The following IVNS1ABP variants were observed in gnomAD, a reference collection of about 807,000 sequenced individuals.
IVNS1ABP encodes the protein influenza virus NS1A-binding protein.
IVNS1ABP carries 25 observed loss-of-function variants against 78.9 expected under a neutral mutation model. The observed-to-expected ratio is 0.32, with a 90% CI of 0.23 to 0.44. The LOEUF is 0.44. Ranked by LOEUF, IVNS1ABP falls within the 20% of genes least tolerant of loss-of-function variation. The pLI, the probability that IVNS1ABP is intolerant of heterozygous loss-of-function variation, is 1.00. For synonymous variants in IVNS1ABP, 241 were observed against 259.7 expected (o/e 0.93, Z 0.69); for missense variants, 494 against 768.9 (o/e 0.64, Z 4.23).
At chr1:185,312,944 AAGGAGTCCCC>A (rs1258940003) in intron 1 of IVNS1ABP, among the ~76,000 whole-genome samples, 2 of 152,180 alleles carry the variant, frequency 1.3e-5, no homozygotes, top group African/African-American at 4.8e-5. Flanking sequence ...AAATAAGAGG[AAGGAGTCCCC>A]ATGCAAATTG....
Position 185,317,238 on chromosome 1 carries a change from G to A in IVNS1ABP, c.-532C>T. 2.5e-6 allele frequency: 1 copy of A among 398,482 alleles called. No homozygotes were observed. Among genetic ancestry groups the A allele is most frequent in the Non-Finnish European group, 4.4e-6 (1 of 226,028 alleles). The allele number at this position is 398,482 out of a possible 1,614,324, so 24.7% of individuals were successfully genotyped here. On this transcript the variant is annotated 5_prime_UTR_variant, in exon 1 of 15. Coordinates refer to ENST00000367498, the MANE Select transcript of IVNS1ABP (RefSeq NM_006469.5). Reference sequence around the variant, plus strand: ...GACCGACCTCCACGCGCGACCGGGAGACACTGCCTCCGCCGCCGCCGACCG... The same window carrying A: ...GACCGACCTCCACGCGCGACCGGGAAACACTGCCTCCGCCGCCGCCGACCG...
chr1:185,316,233 G>A (rs555313931), intron 1 of IVNS1ABP, among the ~76,000 whole-genome samples: 4 of 152,184 alleles, frequency 2.6e-5, no homozygotes, highest in South Asian at 2.1e-4. Context: ...CGCAGGCTGC[G>A]AGGCGAGGCC....
chr1:185,305,590 T>C lies in IVNS1ABP; in HGVS notation c.711A>G (p.Leu237=). The C allele has an allele frequency of 6.2e-7, 1 of 1,613,366 alleles. No individual in the cohort carries two copies. Among genetic ancestry groups the C allele is most frequent in the Non-Finnish European group, 8.5e-7 (1 of 1,179,562 alleles). The part of the protein sequence containing the change: ...ADHKLLDGNL[L]DGQAEVFGSD... ...TGCCAAACACCTCAGCCTGTCCATC[T>C]AGTAGGTTCCCATCAAGCAGCTTGT... Residue 237 remains leucine (L), a synonymous_variant, in exon 8 of 15, where the codon CTA becomes CTG. Coordinates refer to ENST00000367498, the MANE Select transcript of IVNS1ABP (RefSeq NM_006469.5). The surrounding 1 kb of genome is among the most constrained non-coding windows in gnomAD (Gnocchi z 4.0).
Position 185,305,823 on chromosome 1 carries a change from A to C in IVNS1ABP, c.658-180T>G. The C allele has an allele frequency of 1.5e-6, 1 of 673,178 alleles. No homozygotes were observed. Among genetic ancestry groups the C allele is most frequent in the South Asian group, 2.7e-5 (1 of 37,592 alleles). 41.7% of individuals were successfully genotyped at this position (673,178 alleles called of 1,614,324 possible). On this transcript the variant is annotated intron_variant, in intron 7 of 14. Coordinates refer to ENST00000367498, the MANE Select transcript of IVNS1ABP (RefSeq NM_006469.5). This position sits in a 1 kb window ranked among gnomAD's most constrained non-coding sequence, Gnocchi z 4.0. ...ATGTCATGGTGGTAAAAATTAAAAA[A>C]CAAAAACAAAAAACCAAAATCAAAT... is the stretch of plus-strand genomic sequence containing the variant.
rs1187412708 is a variant in IVNS1ABP, at chr1:185,298,023, G to T, written c.*12C>A. 2 of 1,611,728 alleles carry T rather than the reference G, an allele frequency of 1.2e-6. No homozygotes were observed. The highest frequency in any genetic ancestry group is 1.7e-5 in the Admixed American group (1 of 59,782). ...TCACTAAGCCTGTTAGTTTGAGAGG[G>T]TCTTAAATTTGTTAAAACTGGAAAA... On this transcript the variant is annotated 3_prime_UTR_variant, in exon 15 of 15. Transcript: ENST00000367498. This position sits in a 1 kb window ranked among gnomAD's most constrained non-coding sequence, Gnocchi z 4.1.
rs1210450685 is a variant in IVNS1ABP at position 185,298,939 on chromosome 1, A to G, written c.1676-651T>C. 6.6e-6 allele frequency: 1 copy of G among 152,244 alleles called. No homozygotes were observed. Among genetic ancestry groups the G allele is most frequent in the Non-Finnish European group, 1.5e-5 (1 of 68,070 alleles). The allele number at this position is 152,244 out of a possible 1,614,324, so 9.4% of individuals were successfully genotyped here. A position where few individuals can be genotyped will look rare whatever the true frequency, so the allele number is the denominator to read the frequency against. On this transcript the variant is annotated intron_variant, in intron 14 of 14. Transcript: ENST00000367498. The surrounding 1 kb of genome is among the most constrained non-coding windows in gnomAD (Gnocchi z 4.1). ...ATTGTGGTACAGAAATTTCTTCTGGAAACAGAGTTATGATTATTTTCAAAT... is the reference window on the plus strand; with the variant it reads ...ATTGTGGTACAGAAATTTCTTCTGGGAACAGAGTTATGATTATTTTCAAAT...
intron 10 of IVNS1ABP, 34 bp downstream of exon 10, chr1:185,300,938 A>G (rs1665578577): frequency 5.8e-6 from 9 of 1,557,282 alleles, no homozygotes; most frequent in Non-Finnish European, 7.9e-6. Flanking sequence ...ATGCCCATCT[A>G]CATGCTTAGC....
At chr1:185,307,956 T>C (rs1000871876) in intron 5 of IVNS1ABP, 2 of 1,546,340 alleles carry the variant, frequency 1.3e-6, no homozygotes, top group African/African-American at 2.7e-5. Flanking sequence ...ACGCAGTATC[T>C]GAACTGGGCT....
rs1400487496 is a variant in IVNS1ABP, at chr1:185,300,099, G to C, written c.1401C>G (p.Ile467Met). ...GACCATATGGATCAGAGCCACCAAC[G>C]ATGTATAACTTTCCATTCAGAGCAC... ...GVCALNGKLY[I>M]VGGSDPYGQK... Residue 467 changes from isoleucine to methionine, a missense_variant, in exon 13 of 15, where the codon ATC (isoleucine) becomes ATG (methionine). Ile to Met is a conservative substitution (Grantham distance 10). Transcript: ENST00000367498. 6.2e-6 allele frequency: 10 copies of C among 1,613,118 alleles called. No individual in the cohort carries two copies. Among genetic ancestry groups the C allele is most frequent in the African/African-American group, 1.3e-5 (1 of 74,842 alleles).
At chr1:185,307,258 T>C (rs1665763591) in intron 6 of IVNS1ABP, 119 bp from the exon 7 acceptor site, 4 of 1,275,124 alleles carry the variant, frequency 3.1e-6, no homozygotes, top group African/African-American at 1.5e-5. Context: ...TTTACTCTAA[T>C]TTGTAAGGAA....
At chr1:185,312,364 T>A (rs947185528) in intron 1 of IVNS1ABP, among the ~76,000 whole-genome samples, 2 of 152,222 alleles carry the variant, frequency 1.3e-5, no homozygotes, top group Admixed American at 6.5e-5. Context: ...AACTAAGGAA[T>A]AACTTACCTG....
At position 185,299,813 on chromosome 1, in the gene IVNS1ABP, A is replaced by G. The variant is rs764626706; in HGVS notation, c.1572T>C (p.Asn524=). ...TGTATCGTTCTACTGTGTTCAGACA[A>G]TTCCAAGATTCTGCACCTCCGATTA... ...LYIIGGAESW[N]CLNTVERYNP... The change falls in exon 14 of 15, where the codon AAT becomes AAC. Residue 524 remains asparagine, a synonymous_variant. Transcript: ENST00000367498. 9.3e-6 allele frequency: 15 copies of G among 1,613,546 alleles called. No individual in the cohort carries two copies. Among genetic ancestry groups the G allele is most frequent in the South Asian group, 3.3e-5 (3 of 91,086 alleles).
At position 185,309,391 on chromosome 1, in the gene IVNS1ABP, G is replaced by A. The variant is rs1303739085; in HGVS notation, c.103C>T (p.Arg35Ter). The A allele has an allele frequency of 1.9e-6, 3 of 1,581,936 alleles. No homozygotes were observed. Among genetic ancestry groups the A allele is most frequent in the Non-Finnish European group, 8.6e-7 (1 of 1,164,526 alleles). ...AATTAAGTTTTAAATACCTGAAGTC[G>A]AACATCACAGAACTGGCCACTTTTC... ...LRKSGQFCDVRLQVCGHEMLA... is the reference protein window; with the variant it reads ...LRKSGQFCDV Residue 35 changes from arginine (R) to a stop codon, truncating the protein, a stop_gained, in exon 3 of 15, where the codon CGA (arginine) becomes TGA (stop). Transcript: ENST00000367498. LOFTEE classifies it high-confidence loss of function.
chr1:185,314,821 A>G (rs1275974231), intron 1 of IVNS1ABP, among the ~76,000 whole-genome samples: 4 of 152,244 alleles, frequency 2.6e-5, no homozygotes, highest in Non-Finnish European at 5.9e-5. Flanking sequence ...ATTACCAAAA[A>G]GCATAACACA....
intron 7 of IVNS1ABP, chr1:185,306,338 TTTTC>T: frequency 3.4e-6 from 2 of 586,526 alleles, no homozygotes; most frequent in Admixed American, 3.7e-5. Flanking sequence ...CACCTGCGTG[TTTTC>T]AATTCCCACC....
chr1:185,316,392 C>T (rs1666030101), intron 1 of IVNS1ABP, among the ~76,000 whole-genome samples: 1 of 152,234 alleles, frequency 6.6e-6, no homozygotes, highest in African/African-American at 2.4e-5. Flanking sequence ...GAACAAAGGA[C>T]CCCGCGGCCC....
intron 10 of IVNS1ABP, 118 bp from the exon 11 acceptor site, chr1:185,300,676 G>A (rs906366397): frequency 9.2e-7 from 1 of 1,082,786 alleles, no homozygotes; most frequent in East Asian, 2.5e-5. Flanking sequence ...ACTTTTTAAG[G>A]ATGCCTTAGT....
chr1:185,305,203 T>TA lies in IVNS1ABP; in HGVS notation c.765+332dup, dbSNP rs60183856. Among the ~76,000 whole-genome samples the TA allele has an allele frequency of 6.6e-6, 1 of 151,968 alleles. No individual in the cohort carries two copies. Among genetic ancestry groups the TA allele is most frequent in the Non-Finnish European group, 1.5e-5 (1 of 67,980 alleles). On this transcript the variant is annotated intron_variant, in intron 8 of 14. Transcript: ENST00000367498. The surrounding 1 kb of genome is among the most constrained non-coding windows in gnomAD (Gnocchi z 4.0). Reference sequence around the variant, plus strand: ...CAATTTAAGTCCCCCTGCCCCTTTTTAAAAAAAACTATCAGTCATGCCTGA... The same window carrying TA: ...CAATTTAAGTCCCCCTGCCCCTTTTTAAAAAAAAACTATCAGTCATGCCTGA...
Position 185,305,727 on chromosome 1 carries a change from G to T in IVNS1ABP, c.658-84C>A. ...ATGCAGATTACACAAACGCCTCAAG[G>T]TAACCTCCAGTGTGCTTCTTGAGCT... On this transcript the variant is annotated intron_variant, in intron 7 of 14. Coordinates refer to ENST00000367498, the MANE Select transcript of IVNS1ABP (RefSeq NM_006469.5). The surrounding 1 kb of genome is among the most constrained non-coding windows in gnomAD (Gnocchi z 4.0). 6.8e-7 allele frequency: 1 copy of T among 1,474,042 alleles called. No individual in the cohort carries two copies. Among genetic ancestry groups the T allele is most frequent in the Non-Finnish European group, 9.3e-7 (1 of 1,078,404 alleles). The allele number at this position is 1,474,042 out of a possible 1,614,324, so 91.3% of individuals were successfully genotyped here. A position where few individuals can be genotyped will look rare whatever the true frequency, so the allele number is the denominator to read the frequency against.
Sources: gnomAD v4.1 joint callset for allele counts (sites outside exome capture counted in the v4.1 genomes callset) on GRCh38, gnomAD v4.1.1 for gene constraint, Gnocchi (gnomAD v3.1) non-coding constraint, MANE v1.5 for transcripts, NCBI Gene and HGNC (gene_info 2026-07-23, HGNC 2026-07-21) for gene names.